USP42: variants seen among roughly 807,000 people sequenced by gnomAD.
USP42 encodes the protein ubiquitin specific peptidase 42, also known as ubiquitin carboxyl-terminal hydrolase 42.
USP42 carries 23 observed loss-of-function variants against 113.0 expected under a neutral mutation model. The observed-to-expected ratio is 0.20, with a 90% confidence interval of 0.15 to 0.29. The LOEUF (loss-of-function observed/expected upper bound fraction) is 0.29. Among genes scored for constraint, USP42 ranks in the 10% least tolerant of loss-of-function variants. The pLI is 1.00. For missense variants in USP42, 2,174 were observed against 1,779.8 expected, an observed-to-expected ratio of 1.22 and a Z score of -3.99; for synonymous variants, 933 against 699.0, an observed-to-expected ratio of 1.33 and a Z score of -5.28.
At chr7:6,108,683 G>T (rs572180622) in intron 1 of USP42, among the ~76,000 whole-genome samples, 4 of 152,226 alleles carry the variant, frequency 2.6e-5, no homozygotes, top group Admixed American at 2.6e-4. Context: ...GTTTCACCAT[G>T]TTGGTCAGGA....
Position 6,159,515 on chromosome 7 carries a change from T to C in USP42, c.*36+22T>C. On this transcript the variant is annotated intron_variant, in intron 17 of 17. Coordinates refer to ENST00000306177, the MANE Select transcript of USP42 (RefSeq NM_032172.3). The surrounding 1 kb of genome is among the most constrained non-coding windows in gnomAD (Gnocchi z 4.1). ...TATGGTAAGCTGTTTTCCTGTCTGT[T>C]TCCTCATTGTTTGTGGTGGCGCTGA... 6.2e-7 allele frequency: 1 copy of C among 1,609,788 alleles called. No homozygotes were observed. The highest frequency in any genetic ancestry group is 8.5e-7 in the Non-Finnish European group (1 of 1,176,316).
chr7:6,116,167 C>T (rs1779902098), intron 3 of USP42, among the ~76,000 whole-genome samples: 1 of 151,308 alleles, frequency 6.6e-6, no homozygotes. Context: ...AGAAATCCTG[C>T]CTCTCCTGGC....
chr7:6,154,575 C>G lies in USP42; in HGVS notation c.3021C>G (p.Ser1007Arg). Reference sequence around the variant, plus strand: ...ACCCCGGCCACGGCGACAGGCTCAGCCCTGGCGAGCGCCGCTCTCTGGGCA... The same window carrying G: ...ACCCCGGCCACGGCGACAGGCTCAGGCCTGGCGAGCGCCGCTCTCTGGGCA... ...EHHPGHGDRL[S>R]PGERRSLGRC... The change falls in exon 15 of 18, where the codon AGC becomes AGG. Residue 1007 changes from serine to arginine, a missense_variant. Transcript: ENST00000306177. 6.4e-7 allele frequency: 1 copy of G among 1,560,552 alleles called. No homozygotes were observed. Among genetic ancestry groups the G allele is most frequent in the Non-Finnish European group, 8.7e-7 (1 of 1,155,122 alleles).
chr7:6,110,341 G>T (rs575365753), intron 1 of USP42, among the ~76,000 whole-genome samples: 1 of 152,106 alleles, frequency 6.6e-6, no homozygotes, highest in Non-Finnish European at 1.5e-5. Context: ...TCTCTCATAC[G>T]TTCTTTATAA....
At chr7:6,151,311 G>A (rs1264374315) in intron 14 of USP42, among the ~76,000 whole-genome samples, 9 of 152,240 alleles carry the variant, frequency 5.9e-5, no homozygotes, top group Admixed American at 5.2e-4. Context: ...TTCTTCAATA[G>A]TAAACACACC....
intron 3 of USP42, chr7:6,128,048 G>T: frequency 6.6e-6 from 1 of 152,230 alleles, no homozygotes; most frequent in Non-Finnish European, 1.5e-5. Flanking sequence ...TTGGTCTCAA[G>T]CTATCCTCCT....
intron 15 of USP42, among the ~76,000 whole-genome samples, chr7:6,156,145 C>T (rs1782435068): frequency 6.6e-6 from 1 of 152,146 alleles, no homozygotes; most frequent in South Asian, 2.1e-4. Context: ...TTTTAGTTGA[C>T]ATCTCTTGAA....
At chr7:6,106,940 G>A (rs966408900) in intron 1 of USP42, among the ~76,000 whole-genome samples, 9 of 152,188 alleles carry the variant, frequency 5.9e-5, no homozygotes, top group African/African-American at 1.9e-4. Flanking sequence ...TCTGATATTT[G>A]TAACAGTAAT....
Position 6,157,231 on chromosome 7 carries a change from G to T in USP42, c.3943+176G>T. On this transcript the variant is annotated intron_variant, in intron 16 of 17. Coordinates refer to ENST00000306177, the MANE Select transcript of USP42 (RefSeq NM_032172.3). This position sits in a 1 kb window ranked among gnomAD's most constrained non-coding sequence, Gnocchi z 4.1. ...GTGCTCATCCCTGCAGTGTGGTTCC[G>T]TTGCACAGTTAAGCCCTTAGCGTTT... 1 of 1,401,900 alleles carries T rather than the reference G, an allele frequency of 7.1e-7. No homozygotes were observed. The highest frequency in any genetic ancestry group is 9.2e-7 in the Non-Finnish European group (1 of 1,082,786). 86.8% of individuals were successfully genotyped at this position (1,401,900 alleles called of 1,614,324 possible). A position where few individuals can be genotyped will look rare whatever the true frequency, so the allele number is the denominator to read the frequency against.
At chr7:6,115,198 A>AT in intron 2 of USP42, 125 bp from the exon 3 acceptor site, 2 of 892,118 alleles carry the variant, frequency 2.2e-6, no homozygotes, top group Non-Finnish European at 3.5e-6. Flanking sequence ...TTCCCCCTGT[A>AT]TTTCAGGTAG....
intron 1 of USP42, among the ~76,000 whole-genome samples, chr7:6,108,880 A>G (rs1310866803): frequency 1.3e-5 from 2 of 152,248 alleles, no homozygotes; most frequent in Admixed American, 6.5e-5. Flanking sequence ...AGCTGGTGCT[A>G]AAAGCAAACG....
At chr7:6,128,805 TA>T (rs1780681497) in intron 3 of USP42, among the ~76,000 whole-genome samples, 1 of 151,840 alleles carries the variant, frequency 6.6e-6, no homozygotes, top group South Asian at 2.1e-4. Flanking sequence ...CATTTTGCTT[TA>T]CTTGAGTCTT....
At chr7:6,084,792 C>T in the USP42 span, 1 of 149,368 alleles carries the variant, frequency 6.7e-6, no homozygotes, top group African/African-American at 2.5e-5. Flanking sequence ...AATTTCAGCT[C>T]ACTGCAACCT....
intron 4 of USP42, among the ~76,000 whole-genome samples, chr7:6,137,008 T>A (rs1781187005): frequency 6.6e-6 from 1 of 152,200 alleles, no homozygotes; most frequent in Non-Finnish European, 1.5e-5. Flanking sequence ...CTTTTTTCTA[T>A]TTAATTTTTG....
chr7:6,092,239 G>A, the USP42 span, among the ~76,000 whole-genome samples: 2 of 134,104 alleles, frequency 1.5e-5, no homozygotes, highest in Non-Finnish European at 3.1e-5. Context: ...GTGCAGTGGT[G>A]TGATCTCAGC....
chr7:6,156,922 C>G lies in USP42; in HGVS notation c.3810C>G (p.Phe1270Leu). 6.2e-7 allele frequency: 1 copy of G among 1,613,928 alleles called. No homozygotes were observed. Among genetic ancestry groups the G allele is most frequent in the African/African-American group, 1.3e-5 (1 of 75,036 alleles). Reference protein sequence around the residue: ...RVTSLETVAQFRRAQGGFPLS... With the variant: ...RVTSLETVAQLRRAQGGFPLS... ...CCAGCTTGGAGACTGTCGCCCAGTT[C>G]CGGAGAGCCCAGGGTGGCTTTCCTC... Residue 1270 changes from phenylalanine (F) to leucine (L), a missense_variant, in exon 16 of 18, where the codon TTC becomes TTG. Physicochemically the swap from Phe to Leu is conservative, Grantham distance 22. Transcript: ENST00000306177.
At chr7:6,147,393 A>G (rs916203188) in intron 11 of USP42, among the ~76,000 whole-genome samples, 2 of 152,180 alleles carry the variant, frequency 1.3e-5, no homozygotes, top group African/African-American at 4.8e-5. Flanking sequence ...ACAGTGAGCA[A>G]TGGCTGTTCC....
chr7:6,130,040 C>T (rs1332829342), intron 3 of USP42, among the ~76,000 whole-genome samples: 1 of 151,978 alleles, frequency 6.6e-6, no homozygotes, highest in African/African-American at 2.4e-5. Context: ...GGCTGGAGTG[C>T]AGTGGTGTAA....
Position 6,159,578 on chromosome 7 carries a change from G to C in USP42, c.*36+85G>C. ...AGAGGAGTTTTAATTCTGCGGCTCT[G>C]CCTGGGGGCTGGGCTCATAGGAGTT... On this transcript the variant is annotated intron_variant, in intron 17 of 17. Coordinates refer to ENST00000306177, the MANE Select transcript of USP42 (RefSeq NM_032172.3). The surrounding 1 kb of genome is among the most constrained non-coding windows in gnomAD (Gnocchi z 4.1). The C allele has an allele frequency of 7.2e-7, 1 of 1,391,674 alleles. No individual in the cohort carries two copies. Among genetic ancestry groups the C allele is most frequent in the African/African-American group, 1.4e-5 (1 of 69,968 alleles). The allele number at this position is 1,391,674 out of a possible 1,614,324, so 86.2% of individuals were successfully genotyped here. A position where few individuals can be genotyped will look rare whatever the true frequency, so the allele number is the denominator to read the frequency against.
Sources: allele counts gnomAD v4.1 joint callset (sites outside exome capture counted in the v4.1 genomes callset), GRCh38; gene constraint gnomAD v4.1.1; non-coding constraint Gnocchi (gnomAD v3.1); transcripts MANE v1.5; gene names NCBI Gene and HGNC (gene_info 2026-07-23, HGNC 2026-07-21).